Variants in MTCL2 observed in about 807,000 individuals in gnomAD.
MTCL2 encodes the protein microtubule crosslinking factor 2, also known as microtubule cross-linking factor 2.
the MTCL2 span, chr20:36,794,050 G>A: frequency 6.4e-7 from 1 of 1,551,394 alleles, no homozygotes; most frequent in Non-Finnish European, 8.7e-7. The surrounding 1 kb of genome is among the most constrained non-coding windows in gnomAD (Gnocchi z 5.4). Context: ...TCTCCTTCAT[G>A]TCATCACTCA....
At chr20:36,782,991 G>C in the MTCL2 span, 1 of 151,892 alleles carries the variant, frequency 6.6e-6, no homozygotes, top group African/African-American at 2.4e-5. Context: ...AGGGGAGAGG[G>C]AGAAAGAGCC....
the MTCL2 span, among the ~76,000 whole-genome samples, chr20:36,830,277 C>T: frequency 1.3e-5 from 2 of 152,100 alleles, no homozygotes; most frequent in African/African-American, 4.8e-5. Flanking sequence ...AATCCCAACA[C>T]TTTGAGGGGC....
At chr20:36,859,428 G>A in the MTCL2 span, 22 of 483,034 alleles carry the variant, frequency 4.6e-5, no homozygotes, top group South Asian at 9.1e-4. Flanking sequence ...AGGGACCCAA[G>A]GTCAGGCAGC....
the MTCL2 span, among the ~76,000 whole-genome samples, chr20:36,857,231 G>A: frequency 6.6e-6 from 1 of 152,156 alleles, no homozygotes; most frequent in Non-Finnish European, 1.5e-5. Context: ...GTCTGTCTCT[G>A]GGACATATCC....
At chr20:36,787,885 GAA>G in the MTCL2 span, among the ~76,000 whole-genome samples, 4 of 54,564 alleles carry the variant, frequency 7.3e-5, no homozygotes, top group Non-Finnish European at 1.0e-4. Context: ...GACTCCATCT[GAA>G]AAAAAAAAAA....
At chr20:36,861,042 G>A in the MTCL2 span, among the ~76,000 whole-genome samples, 1 of 152,162 alleles carries the variant, frequency 6.6e-6, no homozygotes, top group Admixed American at 6.5e-5. Context: ...GGGTGCCTAG[G>A]AGCCCTGAAG....
the MTCL2 span, among the ~76,000 whole-genome samples, chr20:36,825,851 C>T: frequency 6.6e-6 from 1 of 152,168 alleles, no homozygotes; most frequent in African/African-American, 2.4e-5. Flanking sequence ...CCACAGGGCA[C>T]GCGAGGAGAG....
chr20:36,811,300 G>A, the MTCL2 span, among the ~76,000 whole-genome samples: 1 of 152,120 alleles, frequency 6.6e-6, no homozygotes, highest in Non-Finnish European at 1.5e-5. Context: ...ATGTGTGCAG[G>A]AAATCATTTT....
the MTCL2 span, among the ~76,000 whole-genome samples, chr20:36,799,494 A>AAAATAAAT: frequency 7.9e-3 from 1,168 of 147,102 alleles, 19 homozygotes; most frequent in African/African-American, 0.025. Flanking sequence ...CTCCATCTCA[A>AAAATAAAT]AAATAAATAA....
At chr20:36,780,426 A>G in the MTCL2 span, 1 of 152,372 alleles carries the variant, frequency 6.6e-6, no homozygotes, top group South Asian at 2.1e-4. Flanking sequence ...AATCTTTAAA[A>G]TGGTAAATTT....
chr20:36,859,655 G>C, the MTCL2 span: 80 of 1,231,802 alleles, frequency 6.5e-5, 1 homozygote, highest in East Asian at 1.9e-3. Flanking sequence ...CCCCAGAGCA[G>C]ACCATACCAG....
the MTCL2 span, among the ~76,000 whole-genome samples, chr20:36,803,758 C>G: frequency 1.3e-5 from 2 of 152,036 alleles, no homozygotes; most frequent in South Asian, 4.2e-4. Flanking sequence ...AAGTTCAAGA[C>G]TAGCCTGGCC....
chr20:36,803,939 A>G, the MTCL2 span, among the ~76,000 whole-genome samples: 2 of 138,954 alleles, frequency 1.4e-5, no homozygotes, highest in Non-Finnish European at 3.1e-5. Flanking sequence ...CCTGAGTGAC[A>G]CAGTGAGATG....
chr20:36,793,544 A>G, the MTCL2 span: 12 of 1,551,548 alleles, frequency 7.7e-6, no homozygotes, highest in East Asian at 1.2e-4. This position sits in a 1 kb window ranked among gnomAD's most constrained non-coding sequence, Gnocchi z 6.8. Context: ...CGTCTCAGAC[A>G]TGCCTAGTTT....
chr20:36,817,290 G>T, the MTCL2 span: 731 of 690,420 alleles, frequency 1.1e-3, no homozygotes, highest in Non-Finnish European at 1.5e-3. Flanking sequence ...AAAAAGAAAA[G>T]AAAAAAAGGA....
At chr20:36,801,857 G>C in the MTCL2 span, among the ~76,000 whole-genome samples, 1 of 151,408 alleles carries the variant, frequency 6.6e-6, no homozygotes, top group African/African-American at 2.4e-5. Context: ...CCAGCTACTC[G>C]GGAGGCTGAG....
At chr20:36,815,353 C>A in the MTCL2 span, 2 of 1,613,700 alleles carry the variant, frequency 1.2e-6, no homozygotes, top group Non-Finnish European at 1.7e-6. This position sits in a 1 kb window ranked among gnomAD's most constrained non-coding sequence, Gnocchi z 5.3. Flanking sequence ...TTGTCGGGGG[C>A]CTCATGCAGC....
chr20:36,785,141 T>C, the MTCL2 span: 19 of 985,388 alleles, frequency 1.9e-5, no homozygotes, highest in Non-Finnish European at 2.3e-5. Flanking sequence ...ATAAGTAGTG[T>C]TCTGAGGCCA....
chr20:36,785,965 G>A, the MTCL2 span: 1 of 988,098 alleles, frequency 1.0e-6, no homozygotes, highest in Non-Finnish European at 1.2e-6. Context: ...AGAGAAGGAG[G>A]TGATGGTGAT....
Sources: allele counts gnomAD v4.1 joint callset (sites outside exome capture counted in the v4.1 genomes callset), GRCh38; gene constraint gnomAD v4.1.1; non-coding constraint Gnocchi (gnomAD v3.1); transcripts MANE v1.5; gene names NCBI Gene and HGNC (gene_info 2026-07-23, HGNC 2026-07-21).